The following ZNF91 variants were observed in gnomAD, a reference collection of about 807,000 sequenced individuals.
ZNF91 encodes the protein zinc finger protein 91 (HPF7, HTF10).
Under a neutral mutation model 12.6 loss-of-function variants are expected in ZNF91, and 7 were observed. The observed-to-expected ratio is 0.55, with a 90% CI of 0.31 to 1.04. The LOEUF is 1.04. Among genes scored for constraint, ZNF91 ranks in the 50% least tolerant of loss-of-function variants. The pLI, the probability that ZNF91 is intolerant of heterozygous loss-of-function variation, is 0.05. For missense variants in ZNF91, 1,217 were observed against 1,385.4 expected (o/e 0.88, Z 1.93); for synonymous variants, 453 against 462.6 (o/e 0.98, Z 0.27).
chr19:23,314,873 G>A (rs2145847789), upstream of ZNF91, among the ~76,000 whole-genome samples: 1 of 152,250 alleles, frequency 6.6e-6, no homozygotes, highest in South Asian at 2.1e-4. Context: ...TCCTTTCTGG[G>A]CTCTGCATAT....
intron 3 of ZNF91, among the ~76,000 whole-genome samples, chr19:23,365,891 C>CAT (rs1568389424): frequency 6.6e-6 from 1 of 152,174 alleles, no homozygotes; most frequent in Non-Finnish European, 1.5e-5. Flanking sequence ...GGGGTAAGGT[C>CAT]ATAGATCAAC....
upstream of ZNF91, among the ~76,000 whole-genome samples, chr19:23,311,332 C>T (rs563463476): frequency 2.0e-5 from 3 of 151,644 alleles, no homozygotes; most frequent in South Asian, 2.1e-4. Flanking sequence ...TGTGTTGTGA[C>T]ATGTTGCATG....
intron 3 of ZNF91, among the ~76,000 whole-genome samples, chr19:23,344,662 C>T (rs567647066): frequency 6.6e-5 from 10 of 152,238 alleles, no homozygotes; most frequent in East Asian, 3.9e-4. Context: ...GGAACCTAAA[C>T]GGTGCACTTT....
chr19:23,353,834 T>G (rs1385698876), downstream of ZNF91, among the ~76,000 whole-genome samples: 1 of 151,924 alleles, frequency 6.6e-6, no homozygotes, highest in Non-Finnish European at 1.5e-5. Flanking sequence ...ACACATAAAC[T>G]AGAAAACCTA....
At chr19:23,335,978 A>T (rs1568371901), downstream of ZNF91, among the ~76,000 whole-genome samples, 1 of 152,152 alleles carries the variant, frequency 6.6e-6, no homozygotes, top group Non-Finnish European at 1.5e-5. Context: ...TTAAAATAAC[A>T]TGTTCCATTA....
Position 23,362,035 on chromosome 19 carries a change from A to G in ZNF91, c.944T>C (p.Ile315Thr). ...TTTGTAGGGTTTCTCTCCAGTATGA[A>G]TTCTCTTATGTTTAGCAAGGGTTGA... is the stretch of plus-strand genomic sequence containing the variant. The part of the protein sequence containing the change: ...HSSTLAKHKR[I>T]HTGEKPYKCE... The change falls in exon 4 of 4, where the codon ATT (isoleucine) becomes ACT (threonine). Residue 315 changes from isoleucine (I) to threonine (T), a missense_variant. Coordinates refer to ENST00000300619, the MANE Select transcript of ZNF91 (RefSeq NM_003430.4). 6.2e-7 allele frequency: 1 copy of G among 1,613,866 alleles called. No homozygotes were observed. Among genetic ancestry groups the G allele is most frequent in the South Asian group, 1.1e-5 (1 of 91,062 alleles).
At chr19:23,374,799 G>C in intron 1 of ZNF91, 35 bp from the exon 2 acceptor site, 1 of 1,599,214 alleles carries the variant, frequency 6.3e-7, no homozygotes, top group Non-Finnish European at 8.5e-7. Context: ...TATTTACAAA[G>C]TGGCTATGGG....
In ZNF91 at chr19:23,342,261, A is replaced by G. The variant is rs141170027; in HGVS notation, c.254-3207T>C. The stretch of plus-strand genomic sequence containing the variant: ...ATATCAGATCAGAGTTAGAGACAGC[A>G]AGGCCTGTTTTGTTAGAAAAATTAG... On this transcript the variant is annotated intron_variant, in intron 3 of 3. Coordinates refer to the ZNF91 transcript ENST00000599743. 2.4e-3 allele frequency: 1,135 copies of G among 469,978 alleles called. 5 individuals are homozygous for G. The highest frequency in any genetic ancestry group is 3.4e-3 in the Non-Finnish European group (885 of 257,038). 29.1% of individuals were successfully genotyped at this position (469,978 alleles called of 1,614,324 possible).
downstream of ZNF91, among the ~76,000 whole-genome samples, chr19:23,333,973 T>C (rs1011840309): frequency 6.6e-6 from 1 of 152,144 alleles, no homozygotes; most frequent in Non-Finnish European, 1.5e-5. Context: ...TAAAGATTGA[T>C]ATAATATGGT....
chr19:23,363,399 C>T (rs191854854), intron 3 of ZNF91, among the ~76,000 whole-genome samples: 53 of 152,298 alleles, frequency 3.5e-4, no homozygotes, highest in African/African-American at 1.3e-3. Context: ...AGAGAGACTG[C>T]AGTACCACAG....
At chr19:23,318,219 A>T (rs1414675097) in intron 1 of ZNF91, among the ~76,000 whole-genome samples, 1 of 152,160 alleles carries the variant, frequency 6.6e-6, no homozygotes, top group Non-Finnish European at 1.5e-5. Context: ...CCCTGCCCAC[A>T]TGGCCCATTG....
Position 23,359,692 on chromosome 19 carries a change from T to C in ZNF91, c.3287A>G (p.His1096Arg). The C allele has an allele frequency of 6.2e-7, 1 of 1,614,136 alleles. No homozygotes were observed. Among genetic ancestry groups the C allele is most frequent in the Non-Finnish European group, 8.5e-7 (1 of 1,179,996 alleles). ...AFSQSSTLTRHKRLHTGEKPY... is the reference protein window; with the variant it reads ...AFSQSSTLTRRKRLHTGEKPY... ...TTTCTCTCCGGTGTGCAACCTCTTATGTCTAGTTAGGGTTGAAGATTGGCT... is the reference window on the plus strand; with the variant it reads ...TTTCTCTCCGGTGTGCAACCTCTTACGTCTAGTTAGGGTTGAAGATTGGCT... Residue 1096 changes from histidine (H) to arginine (R), a missense_variant, in exon 4 of 4, where the codon CAT becomes CGT. His to Arg is a conservative substitution (Grantham distance 29). Around this residue, in one of 2 missense-constraint regions of ZNF91, gnomAD observed 491 missense variants for 489.8 expected, o/e 1.00. Coordinates refer to ENST00000300619, the MANE Select transcript of ZNF91 (RefSeq NM_003430.4).
At chr19:23,355,241 T>C (rs1021282438), downstream of ZNF91, among the ~76,000 whole-genome samples, 1 of 152,318 alleles carries the variant, frequency 6.6e-6, no homozygotes, top group African/African-American at 2.4e-5. Flanking sequence ...CAAAACAGCA[T>C]GGTGCTGGTA....
intron 3 of ZNF91, among the ~76,000 whole-genome samples, chr19:23,345,130 A>C (rs1314581052): frequency 6.6e-6 from 1 of 152,164 alleles, no homozygotes; most frequent in Non-Finnish European, 1.5e-5. Context: ...GATGCCTCTA[A>C]GCCATTTGAT....
chr19:23,335,588 G>A (rs908962654), downstream of ZNF91, among the ~76,000 whole-genome samples: 1 of 152,220 alleles, frequency 6.6e-6, no homozygotes, highest in African/African-American at 2.4e-5. Flanking sequence ...TGTGCTAGCA[G>A]TGAGCAAGGC....
chr19:23,339,392 T>G (rs1820912672), intron 3 of ZNF91: 1 of 152,134 alleles, frequency 6.6e-6, no homozygotes, highest in Non-Finnish European at 1.5e-5. Flanking sequence ...TTATTAAATC[T>G]ATAGAACGAG....
chr19:23,329,882 G>A (rs1057245516), intron 1 of ZNF91, among the ~76,000 whole-genome samples: 16 of 152,172 alleles, frequency 1.1e-4, no homozygotes, highest in Admixed American at 6.5e-5. Flanking sequence ...CCCCCAGAGA[G>A]TTCCATCAAG....
rs371712458 is a variant in ZNF91, at chr19:23,362,137, A to T, written c.842T>A (p.Leu281Gln). The T allele has an allele frequency of 1.2e-5, 19 of 1,614,114 alleles. No individual in the cohort carries two copies. The highest frequency in any genetic ancestry group is 1.6e-5 in the Non-Finnish European group (19 of 1,180,012). ...CGKAFLWSSTLTRHKRIHTGE... is the reference protein window; with the variant it reads ...CGKAFLWSSTQTRHKRIHTGE... ...AGTGTGTATCCTCTTATGTCTAGTT[A>T]GGGTTGAGGACCATAGAAATGCTTT... The change falls in exon 4 of 4, where the codon CTA (leucine) becomes CAA (glutamine). Residue 281 changes from leucine (L) to glutamine (Q), a missense_variant. By Grantham distance (113) the Leu-to-Gln change is moderately radical. Coordinates refer to ENST00000300619, the MANE Select transcript of ZNF91 (RefSeq NM_003430.4).
In ZNF91 at chr19:23,362,006, C is replaced by T. The variant is rs201185038; in HGVS notation, c.973G>A (p.Glu325Lys). Residue 325 changes from glutamate to lysine, a missense_variant, in exon 4 of 4, where the codon GAA becomes AAA. Around this residue, in one of 2 missense-constraint regions of ZNF91, gnomAD observed 726 missense variants for 895.5 expected, o/e 0.81. Coordinates refer to ENST00000300619, the MANE Select transcript of ZNF91 (RefSeq NM_003430.4). Reference protein sequence around the residue: ...IHTGEKPYKCEECGKAFSRSS... With the variant: ...IHTGEKPYKCKECGKAFSRSS... Reference sequence around the variant, plus strand: ...CGGCTAAAAGCTTTGCCACATTCTTCACATTTGTAGGGTTTCTCTCCAGTA... The same window carrying T: ...CGGCTAAAAGCTTTGCCACATTCTTTACATTTGTAGGGTTTCTCTCCAGTA... 1 of 1,609,514 alleles carries T rather than the reference C, an allele frequency of 6.2e-7. No individual in the cohort carries two copies. Among genetic ancestry groups the T allele is most frequent in the Non-Finnish European group, 8.5e-7 (1 of 1,178,476 alleles).
Sources: allele counts gnomAD v4.1 joint callset (sites outside exome capture counted in the v4.1 genomes callset), GRCh38; gene constraint gnomAD v4.1.1; regional missense constraint gnomAD v4.1.1; transcripts MANE v1.5; gene names NCBI Gene and HGNC (gene_info 2026-07-23, HGNC 2026-07-21).